Variants in BLM observed in about 807,000 individuals in gnomAD.
BLM encodes recQ-like DNA helicase BLM.
Under a neutral mutation model 135.3 loss-of-function variants are expected in BLM, and 95 were observed. The observed-to-expected ratio is 0.70, with a 90% CI of 0.59 to 0.83. The LOEUF is 0.83. BLM is among the 40% of genes least tolerant of loss of function. BLM has a pLI of 0.00. For missense variants in BLM, 1,518 were observed against 1,663.9 expected, an observed-to-expected ratio of 0.91 and a Z score of 1.53; for synonymous variants, 520 against 589.2, an observed-to-expected ratio of 0.88 and a Z score of 1.70.
intron 1 of BLM, among the ~76,000 whole-genome samples, chr15:90,725,914 C>G (rs948421751): frequency 1.4e-4 from 22 of 151,872 alleles, no homozygotes; most frequent in African/African-American, 5.3e-4. Flanking sequence ...TACGTACATA[C>G]ACATTTACAT....
intron 14 of BLM, among the ~76,000 whole-genome samples, chr15:90,786,668 T>G (rs1355367465): frequency 6.6e-6 from 1 of 150,840 alleles, no homozygotes; most frequent in Non-Finnish European, 1.5e-5. Context: ...CAGGCTGGAG[T>G]GCAGTGGCGC....
intron 19 of BLM, chr15:90,808,707 G>T (rs1897336474): frequency 3.8e-6 from 1 of 261,666 alleles, no homozygotes; most frequent in Admixed American, 5.0e-5. Context: ...GCCGTCTAGG[G>T]TGGGGTGTAC....
In BLM at chr15:90,803,163, T is replaced by TAA. The variant is rs71463769; in HGVS notation, c.3359-342_3359-341dup. 3.3e-4 allele frequency among the ~76,000 whole-genome samples: 44 copies of TAA among 133,946 alleles called. 1 individual carries two copies. Among genetic ancestry groups the TAA allele is most frequent in the African/African-American group, 6.6e-4 (24 of 36,266 alleles). 87.9% of individuals were successfully genotyped at this position (133,946 alleles called of 152,430 possible). On this transcript the variant is annotated intron_variant, in intron 17 of 21. Coordinates refer to ENST00000355112, the MANE Select transcript of BLM (RefSeq NM_000057.4). ...CCACAATAGAGTGAGACCCTGTCTC[T>TAA]AAAAAAAAAAAAAAAAATGTAGATA... is the stretch of plus-strand genomic sequence containing the variant.
chr15:90,783,148 C>T (rs1291829579), intron 13 of BLM, among the ~76,000 whole-genome samples: 1 of 152,162 alleles, frequency 6.6e-6, no homozygotes. Context: ...ATTAAATACT[C>T]CCTCCTACAC....
chr15:90,790,399 G>A (rs972899868), intron 14 of BLM: 15 of 504,264 alleles, frequency 3.0e-5, no homozygotes, highest in Non-Finnish European at 4.7e-5. Context: ...AGAATGCCAA[G>A]TCATACAAGA....
At chr15:90,790,037 C>G (rs1489248249) in intron 14 of BLM, among the ~76,000 whole-genome samples, 1 of 107,058 alleles carries the variant, frequency 9.3e-6, no homozygotes, top group African/African-American at 3.6e-5. Flanking sequence ...ATAAGTAGCT[C>G]TCAGACTTTT....
chr15:90,749,245 C>A, intron 2 of BLM, 122 bp from the exon 3 acceptor site: 3 of 696,516 alleles, frequency 4.3e-6, no homozygotes. Context: ...GAGATGGATT[C>A]TTTGCTCAGT....
intron 2 of BLM, chr15:90,747,723 G>A (rs1319434293): frequency 4.3e-6 from 2 of 460,422 alleles, no homozygotes; most frequent in African/African-American, 2.0e-5. Context: ...ATAAAGATTT[G>A]TTGAGTAAAT....
At chr15:90,736,888 C>T (rs1208000614) in intron 1 of BLM, among the ~76,000 whole-genome samples, 2 of 152,070 alleles carry the variant, frequency 1.3e-5, no homozygotes, top group Admixed American at 6.5e-5. Context: ...AAATTGATAA[C>T]CCACAGGAAG....
chr15:90,749,870 C>A lies in BLM; in HGVS notation c.602C>A (p.Thr201Lys), dbSNP rs1448734613. ...RNFFKAQLYTTNTVKTDLPPP... is the reference protein window; with the variant it reads ...RNFFKAQLYTKNTVKTDLPPP... Reference sequence around the variant, plus strand: ...TTTTTTAAAGCACAGCTTTATACAACAAACACAGTAAAGACTGATTTGCCT... The same window carrying A: ...TTTTTTAAAGCACAGCTTTATACAAAAAACACAGTAAAGACTGATTTGCCT... The change falls in exon 3 of 22, where the codon ACA becomes AAA. Residue 201 changes from threonine (T) to lysine (K), a missense_variant. Coordinates refer to ENST00000355112, the MANE Select transcript of BLM (RefSeq NM_000057.4). The A allele has an allele frequency of 6.2e-7, 1 of 1,607,470 alleles. No individual in the cohort carries two copies. Among genetic ancestry groups the A allele is most frequent in the African/African-American group, 1.3e-5 (1 of 74,560 alleles).
rs190743710 is a variant in BLM, at chr15:90,741,393, T to C, written c.-4-5996T>C. 7.9e-5 allele frequency among the ~76,000 whole-genome samples: 12 copies of C among 152,306 alleles called. No individual in the cohort carries two copies. In the East Asian group the frequency reaches 2.3e-3, roughly 29 times the overall value. On this transcript the variant is annotated intron_variant, in intron 1 of 21. Transcript: ENST00000355112. ...TTCTTTTTATCTCTGCTTGGAATTT[T>C]TTGGCTTTCTCAAATCTGAAGGTTA...
At chr15:90,791,741 C>T (rs1340210536) in intron 15 of BLM, among the ~76,000 whole-genome samples, 2 of 151,990 alleles carry the variant, frequency 1.3e-5, no homozygotes, top group Non-Finnish European at 2.9e-5. Flanking sequence ...CGGGTTCAAG[C>T]GATTTTCTCA....
At position 90,809,225 on chromosome 15, in the gene BLM, A is replaced by G. The variant is rs759221501; in HGVS notation, c.3840A>G (p.Ser1280=). ...AAAAATATGGTGCGGAAGTGATTTCAGTATTACAGAAATACTCTGAATGGA... is the reference window on the plus strand; with the variant it reads ...AAAAATATGGTGCGGAAGTGATTTCGGTATTACAGAAATACTCTGAATGGA... The part of the protein sequence containing the change: ...KLEKYGAEVI[S]VLQKYSEWTS... The change falls in exon 20 of 22, where the codon TCA becomes TCG. Residue 1280 remains serine (S), a synonymous_variant. Transcript: ENST00000355112. 4 of 1,614,238 alleles carry G rather than the reference A, an allele frequency of 2.5e-6. No individual in the cohort carries two copies. The Admixed American group carries it at 6.7e-5, about 27-fold the overall frequency.
Position 90,749,958 on chromosome 15 carries a change from G to A in BLM, c.690G>A (p.Trp230Ter), listed in dbSNP as rs1895633501. The change falls in exon 3 of 22, where the codon TGG becomes TGA. Residue 230 changes from tryptophan to a stop codon, truncating the protein, a stop_gained. Coordinates refer to ENST00000355112, the MANE Select transcript of BLM (RefSeq NM_000057.4). LOFTEE classifies it high-confidence loss of function. ...LTEEQKDDSE[W>*]LSSDVICIDD... ...AGGAACAGAAGGATGACTCAGAATG[G>A]TTAAGCAGCGATGTGATTTGCATCG... 1 of 1,614,222 alleles carries A rather than the reference G, an allele frequency of 6.2e-7. No homozygotes were observed. Among genetic ancestry groups the A allele is most frequent in the East Asian group, 2.2e-5 (1 of 44,884 alleles).
chr15:90,746,429 C>T (rs1254184679), intron 1 of BLM, among the ~76,000 whole-genome samples: 1 of 152,124 alleles, frequency 6.6e-6, no homozygotes, highest in Non-Finnish European at 1.5e-5. Flanking sequence ...GGGACAAAAG[C>T]TGTATTATGA....
At chr15:90,744,369 TTTTA>T (rs890232333) in intron 1 of BLM, among the ~76,000 whole-genome samples, 10 of 152,088 alleles carry the variant, frequency 6.6e-5, no homozygotes, top group Admixed American at 2.0e-4. Context: ...GGCTTTTATT[TTTTA>T]TTTATTTATT....
chr15:90,771,924 C>A (rs565222962), intron 12 of BLM, among the ~76,000 whole-genome samples: 1 of 152,132 alleles, frequency 6.6e-6, no homozygotes, highest in South Asian at 2.1e-4. Context: ...TTTCTTAGTA[C>A]TGTGGGGAAG....
intron 1 of BLM, among the ~76,000 whole-genome samples, chr15:90,735,256 TATA>T (rs1336486793): frequency 1.4e-5 from 2 of 145,060 alleles, no homozygotes; most frequent in Non-Finnish European, 3.0e-5. Context: ...TATATATATA[TATA>T]TATATATATA....
chr15:90,744,778 G>T (rs554556862), intron 1 of BLM, among the ~76,000 whole-genome samples: 1 of 152,004 alleles, frequency 6.6e-6, no homozygotes, highest in Non-Finnish European at 1.5e-5. Context: ...GGCTGGGCGC[G>T]GTGGCTCACA....
Sources: allele counts gnomAD v4.1 joint callset (sites outside exome capture counted in the v4.1 genomes callset), GRCh38; gene constraint gnomAD v4.1.1; transcripts MANE v1.5; gene names NCBI Gene and HGNC (gene_info 2026-07-23, HGNC 2026-07-21).